Variants in PPP1R37 observed in about 807,000 individuals in gnomAD.
The protein encoded by PPP1R37 is protein phosphatase 1 regulatory subunit 37, also known as leucine rich repeat containing 68.
A neutral mutation model predicts 61.0 loss-of-function variants in PPP1R37; 21 were observed. The observed-to-expected ratio is 0.34, with a 90% CI of 0.24 to 0.50. The LOEUF (loss-of-function observed/expected upper bound fraction) is 0.50. PPP1R37 is among the 20% of genes least tolerant of loss of function. PPP1R37 has a pLI of 0.98. For missense variants in PPP1R37, 910 were observed against 952.7 expected (o/e 0.96, Z 0.59); for synonymous variants, 443 against 433.5 (o/e 1.02, Z -0.27).
intron 1 of PPP1R37, among the ~76,000 whole-genome samples, chr19:45,126,455 G>T (rs1025463810): frequency 3.3e-5 from 5 of 152,154 alleles, no homozygotes; most frequent in African/African-American, 1.2e-4. Flanking sequence ...GAACCCAGGC[G>T]CCTGGCTTCG....
At chr19:45,138,404 G>A in intron 1 of PPP1R37, 110 bp from the exon 2 acceptor site, 1 of 698,744 alleles carries the variant, frequency 1.4e-6, no homozygotes. Flanking sequence ...GTTGTTGGGG[G>A]AGGGCTGAAG....
At chr19:45,146,520 TGA>T (rs1369893084) in intron 12 of PPP1R37, 40 bp downstream of exon 12, 3 of 1,394,684 alleles carry the variant, frequency 2.2e-6, no homozygotes, top group East Asian at 5.0e-5. Context: ...CGGGAGGAGC[TGA>T]GAGAGCCTCT....
intron 1 of PPP1R37, among the ~76,000 whole-genome samples, chr19:45,113,486 G>A (rs942846808): frequency 1.3e-5 from 2 of 152,212 alleles, no homozygotes; most frequent in Admixed American, 6.5e-5. Flanking sequence ...CTAGTCAGTG[G>A]CAAATCTGAA....
intron 1 of PPP1R37, among the ~76,000 whole-genome samples, chr19:45,102,796 C>T (rs978983313): frequency 2.0e-5 from 3 of 152,208 alleles, no homozygotes; most frequent in African/African-American, 7.2e-5. Context: ...GGGGCCCACG[C>T]CAGCAGGAGC....
intron 1 of PPP1R37, among the ~76,000 whole-genome samples, chr19:45,125,203 G>A (rs971321271): frequency 7.2e-5 from 11 of 152,040 alleles, no homozygotes; most frequent in Non-Finnish European, 4.4e-5. Flanking sequence ...AGTGGCTCAC[G>A]TCTGTAATCC....
In PPP1R37 at chr19:45,145,563, C is replaced by CCGGACTCAGACT. The variant is rs1968681274; in HGVS notation, c.1509_1520dup (p.Ser509_Asp512dup). The CCGGACTCAGACT allele has an allele frequency of 6.5e-7, 1 of 1,535,322 alleles. No individual in the cohort carries two copies. The highest frequency in any genetic ancestry group is 8.7e-7 in the Non-Finnish European group (1 of 1,146,628). On this transcript the variant is annotated inframe_insertion, in exon 11 of 13. Transcript: ENST00000221462. The stretch of plus-strand genomic sequence containing the variant: ...CGGGGCCCCCAGCCCCGCACCCAGC[C>CCGGACTCAGACT]CGGACTCAGACTCAGACTCGGACTC...
intron 1 of PPP1R37, among the ~76,000 whole-genome samples, chr19:45,102,435 G>A (rs921427590): frequency 2.6e-5 from 4 of 152,188 alleles, no homozygotes; most frequent in African/African-American, 9.6e-5. Flanking sequence ...GTCCCCATTT[G>A]TATGGGGATT....
At chr19:45,097,031 C>T (rs1358699048) in intron 1 of PPP1R37, among the ~76,000 whole-genome samples, 3 of 151,782 alleles carry the variant, frequency 2.0e-5, no homozygotes, top group East Asian at 1.9e-4. Flanking sequence ...CTGGGGAGGA[C>T]GATGGAGTGG....
intron 1 of PPP1R37, among the ~76,000 whole-genome samples, 163 bp from the exon 2 acceptor site, chr19:45,138,351 G>T (rs1968564588): frequency 6.6e-6 from 1 of 152,202 alleles, no homozygotes; most frequent in African/African-American, 2.4e-5. Context: ...TCGGGCAGTG[G>T]CCAGCGGGGG....
Position 45,144,997 on chromosome 19 carries a change from T to G in PPP1R37, c.1129+2T>G. 1 of 1,533,796 alleles carries G rather than the reference T, an allele frequency of 6.5e-7. No individual in the cohort carries two copies. The highest frequency in any genetic ancestry group is 8.7e-7 in the Non-Finnish European group (1 of 1,145,970). On this transcript the variant is annotated splice_donor_variant, in intron 9 of 12. Coordinates refer to ENST00000221462, the MANE Select transcript of PPP1R37 (RefSeq NM_019121.2). LOFTEE classifies it high-confidence loss of function. The stretch of plus-strand genomic sequence containing the variant: ...CCTCCACCAAGCTCACGTGCGAGGG[T>G]AGGGTACGGGGCCGGGCCAGGGTGC...
At chr19:45,138,357 G>T (rs1296147989) in intron 1 of PPP1R37, among the ~76,000 whole-genome samples, 157 bp from the exon 2 acceptor site, 1 of 152,164 alleles carries the variant, frequency 6.6e-6, no homozygotes, top group Non-Finnish European at 1.5e-5. Flanking sequence ...AGTGGCCAGC[G>T]GGGGGCCTGA....
At chr19:45,093,766 TA>T (rs1568437189) in intron 1 of PPP1R37, among the ~76,000 whole-genome samples, 1 of 152,156 alleles carries the variant, frequency 6.6e-6, no homozygotes, top group Non-Finnish European at 1.5e-5. Context: ...GTGATCGTTT[TA>T]GGGTTTAAAA....
chr19:45,129,032 A>G, intron 1 of PPP1R37: 2 of 822,152 alleles, frequency 2.4e-6, no homozygotes, highest in South Asian at 2.6e-5. Flanking sequence ...TGGCAAAAGA[A>G]CTGGCTCCCA....
At chr19:45,116,412 A>G (rs1426659904) in intron 1 of PPP1R37, among the ~76,000 whole-genome samples, 1 of 152,226 alleles carries the variant, frequency 6.6e-6, no homozygotes, top group African/African-American at 2.4e-5. Context: ...GGAGCTGGCC[A>G]TCCTGCAGCA....
chr19:45,141,707 C>T (rs1228335160), intron 5 of PPP1R37, among the ~76,000 whole-genome samples: 1 of 152,228 alleles, frequency 6.6e-6, no homozygotes, highest in Non-Finnish European at 1.5e-5. Flanking sequence ...AATGTCATCC[C>T]CTTGGAGGTG....
At chr19:45,100,384 C>T (rs1189658055) in intron 1 of PPP1R37, 2 of 152,250 alleles carry the variant, frequency 1.3e-5, no homozygotes, top group African/African-American at 4.8e-5. Flanking sequence ...TGACCTTAGT[C>T]ATCACCAGTC....
At chr19:45,126,347 G>T (rs979403332) in intron 1 of PPP1R37, among the ~76,000 whole-genome samples, 1 of 152,148 alleles carries the variant, frequency 6.6e-6, no homozygotes, top group Non-Finnish European at 1.5e-5. Context: ...GCCAGGCTGG[G>T]TGAGCTCACC....
Position 45,145,667 on chromosome 19 carries a change from C to A in PPP1R37, c.1611C>A (p.Ser537=). 2 of 1,535,338 alleles carry A rather than the reference C, an allele frequency of 1.3e-6. No homozygotes were observed. The highest frequency in any genetic ancestry group is 1.7e-6 in the Non-Finnish European group (2 of 1,146,532). ...PCPALVPPTD[S]LGPGDRSPPG... ...CTGCCCTGGTGCCCCCCACGGACTCCCTGGGCCCTGGGGACAGGAGTCCCC... is the reference window on the plus strand; with the variant it reads ...CTGCCCTGGTGCCCCCCACGGACTCACTGGGCCCTGGGGACAGGAGTCCCC... Residue 537 remains serine (S), a synonymous_variant, in exon 11 of 13, where the codon TCC becomes TCA. Transcript: ENST00000221462.
intron 1 of PPP1R37, among the ~76,000 whole-genome samples, chr19:45,104,232 C>A (rs1302780289): frequency 6.6e-6 from 1 of 152,196 alleles, no homozygotes; most frequent in Non-Finnish European, 1.5e-5. Flanking sequence ...CCTCCTCGCT[C>A]TGTTGTTATT....
Sources: allele counts gnomAD v4.1 joint callset (sites outside exome capture counted in the v4.1 genomes callset), GRCh38; gene constraint gnomAD v4.1.1; transcripts MANE v1.5; gene names NCBI Gene and HGNC (gene_info 2026-07-23, HGNC 2026-07-21).